LSAMP: variants seen among roughly 807,000 people sequenced by gnomAD.
The protein encoded by LSAMP is limbic system associated membrane protein.
In LSAMP, 7 loss-of-function variants were observed where a neutral mutation model predicts 38.6. That is an observed-to-expected ratio of 0.18 (90% CI 0.10 to 0.34). The LOEUF is 0.34. Ranked by LOEUF, LSAMP falls within the 10% of genes least tolerant of loss-of-function variation. The pLI, the probability that LSAMP is intolerant of heterozygous loss-of-function variation, is 1.00. For missense variants in LSAMP, 313 were observed against 420.0 expected, an observed-to-expected ratio of 0.75 and a Z score of 2.23; for synonymous variants, 154 against 166.8, an observed-to-expected ratio of 0.92 and a Z score of 0.59.
intron 3 of LSAMP, among the ~76,000 whole-genome samples, chr3:115,916,588 T>A (rs1281687594): frequency 6.6e-6 from 1 of 152,230 alleles, no homozygotes; most frequent in African/African-American, 2.4e-5. Flanking sequence ...ATTCACTCAT[T>A]TATTCATCCA....
chr3:116,230,402 TTTGACA>T (rs2046390473), intron 1 of LSAMP, among the ~76,000 whole-genome samples: 1 of 152,186 alleles, frequency 6.6e-6, no homozygotes, highest in Non-Finnish European at 1.5e-5. Context: ...AAGAAGGATG[TTTGACA>T]TTATACTTAT....
intron 1 of LSAMP, among the ~76,000 whole-genome samples, chr3:116,181,028 T>G (rs2107568972): frequency 6.6e-6 from 1 of 152,166 alleles, no homozygotes; most frequent in South Asian, 2.1e-4. Flanking sequence ...GTACTCCAAG[T>G]GACTCTTTTA....
At chr3:116,244,862 C>G (rs2046584976) in intron 1 of LSAMP, among the ~76,000 whole-genome samples, 1 of 152,144 alleles carries the variant, frequency 6.6e-6, no homozygotes, top group South Asian at 2.1e-4. Context: ...TATATTTCTC[C>G]TATTTTTCCT....
intron 3 of LSAMP, among the ~76,000 whole-genome samples, chr3:115,888,101 C>T (rs1411480873): frequency 6.6e-6 from 1 of 151,838 alleles, no homozygotes; most frequent in African/African-American, 2.4e-5. Flanking sequence ...TTTATATTCT[C>T]ACTCAAAATA....
At chr3:116,250,888 G>C (rs1024934206) in intron 1 of LSAMP, among the ~76,000 whole-genome samples, 8 of 151,950 alleles carry the variant, frequency 5.3e-5, no homozygotes, top group Admixed American at 3.9e-4. Context: ...GGGAGTGTTG[G>C]GGGGAACAAA....
chr3:115,816,228 A>C (rs76279090), intron 6 of LSAMP, among the ~76,000 whole-genome samples: 1 of 152,162 alleles, frequency 6.6e-6, no homozygotes, highest in Non-Finnish European at 1.5e-5. Flanking sequence ...TATGAAGCCA[A>C]CAAGTGAATG....
chr3:115,988,345 G>A (rs960153079), intron 3 of LSAMP, among the ~76,000 whole-genome samples: 1 of 152,142 alleles, frequency 6.6e-6, no homozygotes, highest in Non-Finnish European at 1.5e-5. Flanking sequence ...ATGCCTAAAA[G>A]AGTAGTGCCA....
intron 1 of LSAMP, among the ~76,000 whole-genome samples, chr3:116,245,760 A>C (rs2046597361): frequency 6.6e-6 from 1 of 152,208 alleles, no homozygotes; most frequent in African/African-American, 2.4e-5. Flanking sequence ...CCATTATCTT[A>C]AAGAGAACCC....
chr3:115,859,383 A>G (rs1236531385), intron 3 of LSAMP, among the ~76,000 whole-genome samples: 1 of 152,182 alleles, frequency 6.6e-6, no homozygotes, highest in Non-Finnish European at 1.5e-5. Flanking sequence ...AAACGGAGAG[A>G]TGTGATATAA....
chr3:116,153,577 T>C (rs1709672772), intron 1 of LSAMP, among the ~76,000 whole-genome samples: 1 of 152,184 alleles, frequency 6.6e-6, no homozygotes, highest in Non-Finnish European at 1.5e-5. Context: ...TGTGTCCTCA[T>C]ATTATTTAAA....
At chr3:115,998,681 A>G (rs1349126666) in intron 3 of LSAMP, among the ~76,000 whole-genome samples, 2 of 152,152 alleles carry the variant, frequency 1.3e-5, no homozygotes, top group African/African-American at 4.8e-5. Context: ...AGTTTGAGAC[A>G]CACAAGTCTA....
intron 1 of LSAMP, among the ~76,000 whole-genome samples, chr3:116,157,412 C>A (rs1709778768): frequency 1.3e-5 from 2 of 152,118 alleles, no homozygotes; most frequent in South Asian, 4.1e-4. Flanking sequence ...TGGTTATGTT[C>A]CCTAATGCTG....
intron 1 of LSAMP, among the ~76,000 whole-genome samples, chr3:116,366,035 A>AAAAAAAAAAAAAAG (rs1273569949): frequency 2.8e-5 from 4 of 144,720 alleles, no homozygotes; most frequent in Non-Finnish European, 6.1e-5. Flanking sequence ...AAAAAAAAAA[A>AAAAAAAAAAAAAAG]AAAAGAACTT....
At chr3:116,015,800 C>T (rs140595750) in intron 3 of LSAMP, among the ~76,000 whole-genome samples, 1 of 152,100 alleles carries the variant, frequency 6.6e-6, no homozygotes, top group Non-Finnish European at 1.5e-5. Context: ...TAAATATTGT[C>T]TTCCTAAAAA....
At chr3:115,864,484 C>T (rs1459980717) in intron 3 of LSAMP, among the ~76,000 whole-genome samples, 3 of 152,106 alleles carry the variant, frequency 2.0e-5, no homozygotes, top group African/African-American at 7.2e-5. Context: ...TGGTATTATC[C>T]CTTTGGATCT....
intron 3 of LSAMP, among the ~76,000 whole-genome samples, chr3:115,942,179 G>A (rs569863167): frequency 3.9e-5 from 6 of 152,182 alleles, no homozygotes; most frequent in African/African-American, 1.2e-4. Flanking sequence ...AAAATGGAAG[G>A]AGAAGTTAAG....
At chr3:115,871,233 T>C in intron 3 of LSAMP, among the ~76,000 whole-genome samples, 1 of 152,124 alleles carries the variant, frequency 6.6e-6, no homozygotes, top group East Asian at 1.9e-4. Flanking sequence ...CAGCCTAGAA[T>C]GGCCATGCAG....
intron 3 of LSAMP, among the ~76,000 whole-genome samples, chr3:115,920,760 G>A (rs534641951): frequency 6.6e-6 from 1 of 151,906 alleles, no homozygotes; most frequent in Non-Finnish European, 1.5e-5. Context: ...TCTTGTATAT[G>A]GATGTTCTAT....
In LSAMP at chr3:116,392,532, G is replaced by A. The variant is rs150111556; in HGVS notation, c.155+52345C>T. Reference sequence around the variant, plus strand: ...ACAAGCACAGGAGAGAGGCTGAGGCGGTGCTGAGGACAGCCTGGTGCTGGC... The same window carrying A: ...ACAAGCACAGGAGAGAGGCTGAGGCAGTGCTGAGGACAGCCTGGTGCTGGC... On this transcript the variant is annotated intron_variant, in intron 1 of 6. Transcript: ENST00000490035. Among the ~76,000 whole-genome samples, 373 of 152,358 alleles carry A rather than the reference G, an allele frequency of 2.4e-3. 1 individual carries two copies. Among genetic ancestry groups the A allele is most frequent in the African/African-American group, 8.3e-3 (345 of 41,594 alleles).
Sources: allele counts gnomAD v4.1 joint callset (sites outside exome capture counted in the v4.1 genomes callset), GRCh38; gene constraint gnomAD v4.1.1; transcripts MANE v1.5; gene names NCBI Gene and HGNC (gene_info 2026-07-23, HGNC 2026-07-21).